Variants in UNC5C observed in about 807,000 individuals in gnomAD.
UNC5C encodes the protein netrin receptor UNC5C.
UNC5C carries 47 observed loss-of-function variants against 99.8 expected under a neutral mutation model. The observed-to-expected ratio is 0.47, with a 90% CI of 0.37 to 0.60. The LOEUF is 0.60. Ranked by LOEUF, UNC5C falls within the 20% of genes least tolerant of loss-of-function variation. The probability of loss-of-function intolerance (pLI) is 0.00; values close to 1 mark genes in which losing one functional copy is unlikely to be tolerated. For synonymous variants in UNC5C, 487 were observed against 452.2 expected (o/e 1.08, Z -0.98); for missense variants, 1,062 against 1,165.9 (o/e 0.91, Z 1.30).
chr4:95,202,944 C>T lies in UNC5C; in HGVS notation c.1923G>A (p.Glu641=), dbSNP rs1235827522. 1 of 1,614,092 alleles carries T rather than the reference C, an allele frequency of 6.2e-7. No homozygotes were observed. Among genetic ancestry groups the T allele is most frequent in the Non-Finnish European group, 8.5e-7 (1 of 1,180,022 alleles). The change falls in exon 12 of 16, where the codon GAG becomes GAA. Residue 641 remains glutamate (E), a synonymous_variant. Transcript: ENST00000453304. ...GQWEDVVVVG[E]ENFTTPCYIQ... ...TGTAGCAGGGGGTGGTGAAGTTTTC[C>T]TCCCCGACCACCACCACATCCTGGG...
rs139191582 is a variant in UNC5C, at chr4:95,268,934, T to C, written c.594+9325A>G. Among the ~76,000 whole-genome samples, 238 of 152,202 alleles carry C rather than the reference T, an allele frequency of 1.6e-3. 2 individuals carry two copies. The highest frequency in any genetic ancestry group is 5.3e-3 in the African/African-American group (222 of 41,540). On this transcript the variant is annotated intron_variant, in intron 4 of 15. Transcript: ENST00000453304. ...TCTATAGGTACATTAATCAAACAAA[T>C]GGGAAAAGCAATTATGGGGCTATTA...
chr4:95,195,786 TTCTTC>T (rs1200152558), intron 12 of UNC5C, among the ~76,000 whole-genome samples: 2 of 152,166 alleles, frequency 1.3e-5, no homozygotes, highest in Non-Finnish European at 2.9e-5. Context: ...GTTTCTTTCA[TTCTTC>T]TCTTCTCTTT....
At chr4:95,532,084 C>T (rs935357296) in intron 1 of UNC5C, among the ~76,000 whole-genome samples, 2 of 152,174 alleles carry the variant, frequency 1.3e-5, no homozygotes, top group Non-Finnish European at 2.9e-5. Context: ...AGAGCCCAAC[C>T]GTGCTCTTAA....
chr4:95,192,349 C>T (rs566570427), intron 12 of UNC5C, among the ~76,000 whole-genome samples: 1 of 135,900 alleles, frequency 7.4e-6, no homozygotes, highest in African/African-American at 2.8e-5. Flanking sequence ...ACCTTCTCCC[C>T]TGCTCACTCC....
chr4:95,201,811 A>G (rs562787701), intron 12 of UNC5C, among the ~76,000 whole-genome samples: 10 of 152,166 alleles, frequency 6.6e-5, no homozygotes, highest in Admixed American at 2.0e-4. Context: ...TCACCGTGTT[A>G]GCCAGGATGG....
chr4:95,225,059 C>T (rs1335597432), intron 7 of UNC5C, among the ~76,000 whole-genome samples: 2 of 152,062 alleles, frequency 1.3e-5, no homozygotes, highest in Admixed American at 6.5e-5. Context: ...CACCAGGTCA[C>T]GTCCTGGTGG....
At chr4:95,180,446 T>TATC (rs1361304022) in intron 14 of UNC5C, among the ~76,000 whole-genome samples, 3 of 152,250 alleles carry the variant, frequency 2.0e-5, no homozygotes, top group Non-Finnish European at 2.9e-5. Context: ...CAAAATCTTT[T>TATC]ATCATCTTTT....
At chr4:95,195,743 G>A (rs1222707804) in intron 12 of UNC5C, among the ~76,000 whole-genome samples, 2 of 152,044 alleles carry the variant, frequency 1.3e-5, no homozygotes, top group African/African-American at 2.4e-5. Flanking sequence ...CTAGACTTCC[G>A]CCAACCTCCT....
chr4:95,548,440 C>G (rs1268233762), intron 1 of UNC5C, among the ~76,000 whole-genome samples: 1 of 152,012 alleles, frequency 6.6e-6, no homozygotes, highest in Non-Finnish European at 1.5e-5. Context: ...TGAAAGGGCA[C>G]AAGACACTCC....
intron 6 of UNC5C, among the ~76,000 whole-genome samples, chr4:95,244,547 A>G (rs1579262210): frequency 1.3e-5 from 2 of 152,216 alleles, no homozygotes; most frequent in East Asian, 3.9e-4. Context: ...CTTCACCAGA[A>G]ACTGACACCA....
chr4:95,327,011 C>T (rs559190388), intron 2 of UNC5C, among the ~76,000 whole-genome samples: 8 of 152,068 alleles, frequency 5.3e-5, no homozygotes, highest in African/African-American at 1.9e-4. Flanking sequence ...ATAGGATAAC[C>T]AGGTTTGATT....
At chr4:95,227,038 C>T (rs1365165199) in intron 7 of UNC5C, among the ~76,000 whole-genome samples, 1 of 152,062 alleles carries the variant, frequency 6.6e-6, no homozygotes, top group African/African-American at 2.4e-5. Context: ...AGGTATGAGG[C>T]TTGTTATCCC....
At chr4:95,448,223 T>A (rs79542897) in intron 1 of UNC5C, among the ~76,000 whole-genome samples, 19,116 of 101,544 alleles carry the variant, frequency 0.19, 1,746 homozygotes, top group Non-Finnish European at 0.25. Flanking sequence ...TGTGTGTGTG[T>A]GTGTGAGAGA....
intron 2 of UNC5C, among the ~76,000 whole-genome samples, chr4:95,329,923 C>T (rs578029468): frequency 5.1e-4 from 77 of 152,074 alleles, no homozygotes; most frequent in Non-Finnish European, 5.7e-4. Context: ...GTGATGGTGG[C>T]GATGATGATG....
intron 6 of UNC5C, 113 bp downstream of exon 6, chr4:95,244,864 A>G (rs1421360235): frequency 3.6e-6 from 5 of 1,391,726 alleles, no homozygotes; most frequent in Non-Finnish European, 5.0e-6. Flanking sequence ...GGATGGATTT[A>G]AATAACGTTC....
chr4:95,328,534 A>G (rs926573420), intron 2 of UNC5C, among the ~76,000 whole-genome samples: 1 of 141,704 alleles, frequency 7.1e-6, no homozygotes, highest in Non-Finnish European at 1.5e-5. Context: ...ATACGTGTGC[A>G]TGTGTCTTTA....
chr4:95,287,017 T>C (rs1271808030), intron 3 of UNC5C, among the ~76,000 whole-genome samples: 1 of 152,186 alleles, frequency 6.6e-6, no homozygotes, highest in African/African-American at 2.4e-5. Flanking sequence ...GTCCAGATAG[T>C]TCAATGCTGA....
chr4:95,292,234 CACATATATAT>C (rs1488566327), intron 3 of UNC5C, among the ~76,000 whole-genome samples: 791 of 74,024 alleles, frequency 0.011, 5 homozygotes, highest in South Asian at 0.031. Context: ...CACACACACA[CACATATATAT>C]ATATATATAT....
Position 95,548,923 on chromosome 4 carries a change from C to T in UNC5C, c.-66G>A, listed in dbSNP as rs554328897. ...GAGACGCGCAAACAGCTGAAAGCCC[C>T]ACTGGGCAGAAGCTGAATCCGTGCA... On this transcript the variant is annotated 5_prime_UTR_variant, in exon 1 of 16. Transcript: ENST00000453304. The T allele has an allele frequency of 1.3e-6, 2 of 1,585,968 alleles. No individual in the cohort carries two copies. The highest frequency in any genetic ancestry group is 1.7e-6 in the Non-Finnish European group (2 of 1,162,492).
Sources: allele counts gnomAD v4.1 joint callset (sites outside exome capture counted in the v4.1 genomes callset), GRCh38; gene constraint gnomAD v4.1.1; transcripts MANE v1.5; gene names NCBI Gene and HGNC (gene_info 2026-07-23, HGNC 2026-07-21).